PCSK2: variants seen among roughly 807,000 people sequenced by gnomAD.
PCSK2 encodes the protein proprotein convertase subtilisin/kexin type 2.
PCSK2 carries 14 observed loss-of-function variants against 69.7 expected under a neutral mutation model. The ratio of observed to expected loss-of-function variants is 0.20; its 90% confidence interval spans 0.13 to 0.31. The LOEUF (loss-of-function observed/expected upper bound fraction) is 0.31. PCSK2 is among the 10% of genes least tolerant of loss of function. The pLI, the probability that PCSK2 is intolerant of heterozygous loss-of-function variation, is 1.00. For synonymous variants in PCSK2, 307 were observed against 320.7 expected, an observed-to-expected ratio of 0.96 and a Z score of 0.46; for missense variants, 544 against 842.5, an observed-to-expected ratio of 0.65 and a Z score of 4.39.
At chr20:17,405,141 G>A (rs1417265294) in intron 5 of PCSK2, among the ~76,000 whole-genome samples, 1 of 152,150 alleles carries the variant, frequency 6.6e-6, no homozygotes, top group Admixed American at 6.5e-5. Context: ...ACTAGTAACA[G>A]TTTTACCACC....
intron 1 of PCSK2, among the ~76,000 whole-genome samples, chr20:17,228,573 CTCCATCTCGCTCCTGA>C (rs746800876): frequency 6.0e-4 from 91 of 152,120 alleles, no homozygotes; most frequent in Admixed American, 5.2e-3. Context: ...AGATTTTAGG[CTCCATCTCGCTCCTGA>C]TCCCAGGAAG....
At chr20:17,376,175 A>T (rs1450817311) in intron 5 of PCSK2, among the ~76,000 whole-genome samples, 1 of 152,176 alleles carries the variant, frequency 6.6e-6, no homozygotes, top group East Asian at 1.9e-4. Context: ...ACACTGGCCT[A>T]CAGAGCTGCA....
At chr20:17,351,038 T>TAAA (rs11471979) in intron 2 of PCSK2, among the ~76,000 whole-genome samples, 2,724 of 134,100 alleles carry the variant, frequency 0.02, 67 homozygotes, top group African/African-American at 0.07. Flanking sequence ...AGACTTCATC[T>TAAA]AAAAAAAAAA....
At chr20:17,248,245 T>C (rs1228889932) in intron 1 of PCSK2, among the ~76,000 whole-genome samples, 1 of 150,406 alleles carries the variant, frequency 6.6e-6, no homozygotes, top group Non-Finnish European at 1.5e-5. Context: ...CAAAACATAC[T>C]AAATGCCCGC....
In PCSK2 at chr20:17,307,771, GAAAT is replaced by G. The variant is rs142556315; in HGVS notation, c.282+47433_282+47436del. On this transcript the variant is annotated intron_variant, in intron 2 of 11. Transcript: ENST00000262545. ...CAATAAATAAAAATCTATATATCAA[GAAAT>G]AAATACTCTGCAGAGTATTAAAGCA... is the stretch of plus-strand genomic sequence containing the variant. Among the ~76,000 whole-genome samples the G allele has an allele frequency of 3.7e-4, 57 of 152,146 alleles. No homozygotes were observed. The East Asian group carries it at 7.7e-3, about 21-fold the overall frequency.
chr20:17,283,324 C>T (rs1988389118), intron 2 of PCSK2, among the ~76,000 whole-genome samples: 1 of 152,150 alleles, frequency 6.6e-6, no homozygotes, highest in South Asian at 2.1e-4. Context: ...TATTCACAAG[C>T]GGGGGCATTC....
chr20:17,429,393 C>A (rs372148176), intron 6 of PCSK2, 42 bp from the exon 7 acceptor site: 2 of 1,466,754 alleles, frequency 1.4e-6, no homozygotes, highest in Non-Finnish European at 1.9e-6. Context: ...TAGCCAAATT[C>A]GTTTCACTGC....
chr20:17,261,827 G>C (rs11905284), intron 2 of PCSK2, among the ~76,000 whole-genome samples: 1 of 152,196 alleles, frequency 6.6e-6, no homozygotes, highest in African/African-American at 2.4e-5. Flanking sequence ...GCCATTTATG[G>C]CCAGTTGTTT....
chr20:17,382,663 C>T (rs2123255747), intron 5 of PCSK2, among the ~76,000 whole-genome samples: 1 of 152,256 alleles, frequency 6.6e-6, no homozygotes, highest in East Asian at 1.9e-4. Flanking sequence ...CCTCCTGGAC[C>T]CCACAAAAGT....
intron 6 of PCSK2, among the ~76,000 whole-genome samples, chr20:17,418,828 G>C (rs1252814324): frequency 6.6e-6 from 1 of 152,210 alleles, no homozygotes; most frequent in Non-Finnish European, 1.5e-5. Context: ...AGAAAGGCTG[G>C]TGTCAGCATG....
chr20:17,374,187 G>A (rs1437615471), intron 5 of PCSK2, among the ~76,000 whole-genome samples: 32 of 152,180 alleles, frequency 2.1e-4, no homozygotes, highest in Admixed American at 2.1e-3. Context: ...ATAAGACACA[G>A]GCACTCTCTA....
chr20:17,370,670 A>T (rs139566082), intron 5 of PCSK2, among the ~76,000 whole-genome samples: 1 of 151,986 alleles, frequency 6.6e-6, no homozygotes, highest in South Asian at 2.1e-4. Flanking sequence ...TGCCTTCCCT[A>T]CTGAACATGA....
At chr20:17,315,676 C>T (rs1312564349) in intron 2 of PCSK2, among the ~76,000 whole-genome samples, 1 of 152,252 alleles carries the variant, frequency 6.6e-6, no homozygotes, top group Non-Finnish European at 1.5e-5. Context: ...TCCTTTCGCA[C>T]ACAACAGGCT....
intron 1 of PCSK2, among the ~76,000 whole-genome samples, chr20:17,245,675 T>C (rs763886683): frequency 3.3e-5 from 5 of 152,204 alleles, no homozygotes; most frequent in Non-Finnish European, 5.9e-5. Flanking sequence ...TTTTACCTCG[T>C]GTTCAATCTC....
At chr20:17,441,510 A>G (rs55915901) in intron 8 of PCSK2, among the ~76,000 whole-genome samples, 14 of 152,200 alleles carry the variant, frequency 9.2e-5, no homozygotes, top group Admixed American at 8.5e-4. Flanking sequence ...TGGTAAAGAC[A>G]TACCTAAGGC....
intron 2 of PCSK2, among the ~76,000 whole-genome samples, chr20:17,265,011 G>A (rs577875071): frequency 7.2e-5 from 11 of 152,040 alleles, no homozygotes; most frequent in Admixed American, 1.3e-4. Context: ...TTATAGGTGC[G>A]TGACACCACA....
Position 17,275,092 on chromosome 20 carries a change from T to C in PCSK2, c.282+14748T>C, listed in dbSNP as rs1400995114. 2.3e-4 allele frequency among the ~76,000 whole-genome samples: 17 copies of C among 73,168 alleles called. No individual in the cohort carries two copies. The South Asian group carries it at 3.6e-3, about 16-fold the overall frequency. 48.0% of individuals were successfully genotyped at this position (73,168 alleles called of 152,430 possible). A position where few individuals can be genotyped will look rare whatever the true frequency, so the allele number is the denominator to read the frequency against. On this transcript the variant is annotated intron_variant, in intron 2 of 11. Coordinates refer to ENST00000262545, the MANE Select transcript of PCSK2 (RefSeq NM_002594.5). ...TGTGCATATTATTTATACATATATATATATATATATATATATATATAATGT... is the reference window on the plus strand; with the variant it reads ...TGTGCATATTATTTATACATATATACATATATATATATATATATATAATGT...
intron 8 of PCSK2, 54 bp downstream of exon 8, chr20:17,436,937 G>A (rs2032495946): frequency 1.4e-6 from 2 of 1,470,362 alleles, no homozygotes; most frequent in Admixed American, 2.3e-5. Context: ...GACAAAGTGG[G>A]TGGAGGGGTA....
At chr20:17,300,369 G>A (rs1276175375) in intron 2 of PCSK2, among the ~76,000 whole-genome samples, 1 of 152,248 alleles carries the variant, frequency 6.6e-6, no homozygotes, top group Non-Finnish European at 1.5e-5. Context: ...AGGCCTGGCC[G>A]GCTGAGTGAC....
Sources: allele counts gnomAD v4.1 joint callset (sites outside exome capture counted in the v4.1 genomes callset), GRCh38; gene constraint gnomAD v4.1.1; transcripts MANE v1.5; gene names NCBI Gene and HGNC (gene_info 2026-07-23, HGNC 2026-07-21).